The following NPSR1 variants were observed in gnomAD, a reference collection of about 807,000 sequenced individuals.
NPSR1 encodes the protein neuropeptide S receptor.
In NPSR1, 48 loss-of-function variants were observed where a neutral mutation model predicts 46.9. The observed-to-expected ratio is 1.02, with a 90% CI of 0.81 to 1.30. The LOEUF is 1.30. NPSR1 is among the 50% of genes most tolerant of loss of function. The pLI, the probability that NPSR1 is intolerant of heterozygous loss-of-function variation, is 0.00. For synonymous variants in NPSR1, 176 were observed against 168.1 expected, an observed-to-expected ratio of 1.05 and a Z score of -0.36; for missense variants, 450 against 449.5, an observed-to-expected ratio of 1.00 and a Z score of -0.01.
chr7:34,747,790 T>C (rs748795741), intron 2 of NPSR1, among the ~76,000 whole-genome samples: 8 of 152,212 alleles, frequency 5.3e-5, no homozygotes, highest in Non-Finnish European at 1.0e-4. Flanking sequence ...AGCAATTAAC[T>C]TCAGTTTTAG....
chr7:34,710,522 T>A (rs977032632), intron 2 of NPSR1, among the ~76,000 whole-genome samples: 8 of 152,196 alleles, frequency 5.3e-5, no homozygotes, highest in African/African-American at 9.7e-5. Flanking sequence ...AGATGAATCT[T>A]AAATGATGGG....
intron 2 of NPSR1, among the ~76,000 whole-genome samples, chr7:34,746,941 G>A (rs1210994172): frequency 6.6e-6 from 1 of 151,900 alleles, no homozygotes; most frequent in Non-Finnish European, 1.5e-5. Context: ...TCTGGCCAAC[G>A]TGGTGAAACC....
chr7:34,827,358 T>G (rs760054210), intron 4 of NPSR1, 43 bp from the exon 5 acceptor site: 26 of 1,576,660 alleles, frequency 1.6e-5, no homozygotes, highest in Non-Finnish European at 2.2e-5. Flanking sequence ...CTCCCAAAAA[T>G]GGTTGCCACA....
intron 8 of NPSR1, among the ~76,000 whole-genome samples, chr7:34,868,630 G>A (rs868170434): frequency 1.3e-5 from 2 of 151,666 alleles, no homozygotes; most frequent in African/African-American, 2.4e-5. Flanking sequence ...AAGGGAAGAA[G>A]GAGCTGGGTG....
At chr7:34,829,218 A>C (rs1790006017) in intron 5 of NPSR1, among the ~76,000 whole-genome samples, 1 of 152,168 alleles carries the variant, frequency 6.6e-6, no homozygotes, top group South Asian at 2.1e-4. Context: ...CCGCCCCCTC[A>C]TCAGAGATTG....
intron 2 of NPSR1, among the ~76,000 whole-genome samples, chr7:34,748,360 T>C (rs1240786314): frequency 2.6e-5 from 4 of 152,212 alleles, no homozygotes; most frequent in African/African-American, 7.2e-5. Context: ...TCACAGCCAC[T>C]TCACACTCAG....
chr7:34,685,503 A>G (rs1562650845), intron 2 of NPSR1, among the ~76,000 whole-genome samples: 1 of 152,182 alleles, frequency 6.6e-6, no homozygotes, highest in Non-Finnish European at 1.5e-5. Flanking sequence ...ACTATAGAAA[A>G]AAAAATGCAA....
intron 1 of NPSR1, among the ~76,000 whole-genome samples, chr7:34,668,757 T>C (rs1365538281): frequency 6.6e-6 from 1 of 152,166 alleles, no homozygotes; most frequent in Non-Finnish European, 1.5e-5. Context: ...GAGCAAGAGC[T>C]AGAGAGATAC....
chr7:34,846,047 C>T lies in NPSR1; in HGVS notation c.844+1065C>T, dbSNP rs530940159. On this transcript the variant is annotated intron_variant, in intron 7 of 8. Transcript: ENST00000360581. ...ATGCAGCATGACTCAGCCAGCAGGA[C>T]GTAGGCACAAAACAACACTGCAGGC... Among the ~76,000 whole-genome samples the T allele has an allele frequency of 3.3e-5, 5 of 152,178 alleles. No homozygotes were observed. In the East Asian group the frequency reaches 5.8e-4, roughly 18 times the overall value.
At chr7:34,688,331 G>A (rs1793044072) in intron 2 of NPSR1, among the ~76,000 whole-genome samples, 1 of 152,146 alleles carries the variant, frequency 6.6e-6, no homozygotes. Context: ...GATGAAAAAC[G>A]AGGAGAAAAA....
intron 3 of NPSR1, among the ~76,000 whole-genome samples, chr7:34,780,743 G>C (rs1440040898): frequency 6.6e-6 from 1 of 152,086 alleles, no homozygotes; most frequent in Admixed American, 6.6e-5. Context: ...GCAAAACAGG[G>C]ACAGAGCCCT....
intron 1 of NPSR1, among the ~76,000 whole-genome samples, chr7:34,669,415 T>C (rs1440130328): frequency 6.6e-6 from 1 of 151,888 alleles, no homozygotes; most frequent in Non-Finnish European, 1.5e-5. Flanking sequence ...ATACAAAAAT[T>C]AGCCAGGCGT....
intron 8 of NPSR1, among the ~76,000 whole-genome samples, chr7:34,866,212 G>A (rs1333684520): frequency 6.6e-6 from 1 of 151,770 alleles, no homozygotes; most frequent in East Asian, 1.9e-4. Flanking sequence ...GGATTGGTCA[G>A]CACACTATGG....
intron 5 of NPSR1, 29 bp downstream of exon 5, chr7:34,827,631 G>A (rs547587797): frequency 4.1e-5 from 52 of 1,269,952 alleles, no homozygotes; most frequent in South Asian, 1.1e-4. Context: ...AGGACCACAC[G>A]GGGGGGTGGG....
chr7:34,692,540 A>G (rs1793317580), intron 2 of NPSR1, among the ~76,000 whole-genome samples: 1 of 152,232 alleles, frequency 6.6e-6, no homozygotes, highest in Admixed American at 6.5e-5. Context: ...CCTCTGGGAT[A>G]TAGTGAAAAC....
chr7:34,684,433 G>T (rs1792817825), intron 1 of NPSR1, 119 bp from the exon 2 acceptor site: 1 of 908,346 alleles, frequency 1.1e-6, no homozygotes, highest in African/African-American at 1.7e-5. Flanking sequence ...CTTGAGAGTA[G>T]AGCTTCCAAA....
At chr7:34,739,942 G>A (rs149652125) in intron 2 of NPSR1, among the ~76,000 whole-genome samples, 319 of 152,324 alleles carry the variant, frequency 2.1e-3, no homozygotes, top group Non-Finnish European at 3.9e-3. Flanking sequence ...GGGAGGATCA[G>A]GTGGTGGGCA....
At chr7:34,741,924 A>G (rs1242043769) in intron 2 of NPSR1, among the ~76,000 whole-genome samples, 1 of 152,200 alleles carries the variant, frequency 6.6e-6, no homozygotes, top group Non-Finnish European at 1.5e-5. Flanking sequence ...TAGTTCTGTG[A>G]AAGTTGATTC....
At chr7:34,811,535 G>A (rs535545919) in intron 3 of NPSR1, among the ~76,000 whole-genome samples, 1 of 152,262 alleles carries the variant, frequency 6.6e-6, no homozygotes, top group African/African-American at 2.4e-5. Context: ...TCTCATTTAA[G>A]ACCACTGGTT....
Sources: gnomAD v4.1 joint callset for allele counts (sites outside exome capture counted in the v4.1 genomes callset) on GRCh38, gnomAD v4.1.1 for gene constraint, MANE v1.5 for transcripts, NCBI Gene and HGNC (gene_info 2026-07-23, HGNC 2026-07-21) for gene names.